The following SLC22A3 variants were observed in gnomAD, a reference collection of about 807,000 sequenced individuals.
SLC22A3 encodes the protein solute carrier family 22 member 3, also known as EMT organic cation transporter 3.
SLC22A3 carries 51 observed loss-of-function variants against 59.1 expected under a neutral mutation model. The observed-to-expected ratio is 0.86, with a 90% CI of 0.69 to 1.09. The LOEUF (loss-of-function observed/expected upper bound fraction) is 1.09. Among genes scored for constraint, SLC22A3 ranks in the 50% least tolerant of loss-of-function variants. SLC22A3 has a pLI of 0.00. For synonymous variants in SLC22A3, 325 were observed against 292.0 expected, an observed-to-expected ratio of 1.11 and a Z score of -1.15; for missense variants, 711 against 726.3, an observed-to-expected ratio of 0.98 and a Z score of 0.24.
At chr6:160,430,321 A>T (rs750994041) in intron 5 of SLC22A3, among the ~76,000 whole-genome samples, 3 of 152,216 alleles carry the variant, frequency 2.0e-5, no homozygotes, top group Non-Finnish European at 4.4e-5. Context: ...TGTTCTGAGT[A>T]GAATACCACA....
chr6:160,398,724 C>A (rs1786629350), intron 2 of SLC22A3, among the ~76,000 whole-genome samples: 1 of 152,106 alleles, frequency 6.6e-6, no homozygotes, highest in Non-Finnish European at 1.5e-5. Context: ...TCATGTTTAA[C>A]TCTATTTTTA....
chr6:160,413,221 G>T (rs1435145792), intron 5 of SLC22A3, among the ~76,000 whole-genome samples: 2 of 152,144 alleles, frequency 1.3e-5, no homozygotes, highest in African/African-American at 2.4e-5. Context: ...TGAGTGTACA[G>T]TTTAGCACTG....
chr6:160,373,167 G>A (rs1268735254), intron 1 of SLC22A3, among the ~76,000 whole-genome samples: 2 of 152,100 alleles, frequency 1.3e-5, no homozygotes, highest in African/African-American at 2.4e-5. Context: ...TTTGATACTG[G>A]TGACCTTCAG....
chr6:160,413,514 A>G (rs1023656249), intron 5 of SLC22A3, among the ~76,000 whole-genome samples: 1 of 152,342 alleles, frequency 6.6e-6, no homozygotes, highest in Admixed American at 6.5e-5. Context: ...CTATCCACTG[A>G]GTAGGAATCA....
intron 9 of SLC22A3, among the ~76,000 whole-genome samples, chr6:160,446,539 A>C (rs1410272803): frequency 6.6e-6 from 1 of 152,104 alleles, no homozygotes; most frequent in Non-Finnish European, 1.5e-5. Flanking sequence ...AATCCATCAG[A>C]TCTCATGGGA....
intron 1 of SLC22A3, among the ~76,000 whole-genome samples, chr6:160,355,791 CAACAACA>C (rs1489865283): frequency 1.4e-5 from 2 of 138,800 alleles, no homozygotes; most frequent in Admixed American, 7.0e-5. Flanking sequence ...ACAACAACAA[CAACAACA>C]AAAAACTTGT....
chr6:160,381,279 T>C (rs1785786856), intron 1 of SLC22A3, among the ~76,000 whole-genome samples: 1 of 152,226 alleles, frequency 6.6e-6, no homozygotes, highest in Non-Finnish European at 1.5e-5. Context: ...TATCTGTACA[T>C]TGATGTAACA....
chr6:160,441,277 A>T (rs962008497), intron 7 of SLC22A3, among the ~76,000 whole-genome samples: 3 of 152,094 alleles, frequency 2.0e-5, no homozygotes, highest in African/African-American at 7.2e-5. Context: ...ATGGAGTGGA[A>T]TGCATTACCT....
chr6:160,377,398 T>C (rs1415448737), intron 1 of SLC22A3, among the ~76,000 whole-genome samples: 2 of 151,814 alleles, frequency 1.3e-5, no homozygotes, highest in African/African-American at 4.8e-5. Context: ...GGCAGGAGAA[T>C]TGCTTGAACC....
At chr6:160,348,938 G>T in intron 1 of SLC22A3, 90 bp downstream of exon 1, 1 of 1,531,006 alleles carries the variant, frequency 6.5e-7, no homozygotes, top group South Asian at 1.2e-5. Context: ...CTGGCCGCCA[G>T]GGGAGGTCGG....
chr6:160,423,576 G>T (rs1282881315), intron 5 of SLC22A3, among the ~76,000 whole-genome samples: 1 of 152,138 alleles, frequency 6.6e-6, no homozygotes, highest in Non-Finnish European at 1.5e-5. Flanking sequence ...TTCTCTGATG[G>T]CCAGTGATGA....
At chr6:160,432,287 CAT>C (rs879906045) in intron 5 of SLC22A3, among the ~76,000 whole-genome samples, 2 of 152,082 alleles carry the variant, frequency 1.3e-5, no homozygotes, top group Non-Finnish European at 2.9e-5. Context: ...CTCCCACAAA[CAT>C]ATGAATTGAT....
intron 5 of SLC22A3, among the ~76,000 whole-genome samples, chr6:160,419,219 C>T (rs928715272): frequency 4.6e-5 from 7 of 152,000 alleles, no homozygotes; most frequent in African/African-American, 7.3e-5. Context: ...TAATAGCTAC[C>T]GTCTTTTCTA....
chr6:160,407,192 AT>A lies in SLC22A3; in HGVS notation c.687del (p.Ile229MetfsTer2). On this transcript the variant is annotated frameshift_variant and splice_region_variant, in exon 3 of 11. Transcript: ENST00000275300. LOFTEE classifies it high-confidence loss of function. The part of the protein sequence containing the change: ...GKGTWMTCYV[I>X]VTEIVGSKQR... Reference sequence around the variant, plus strand: ...GGGGACGTGGATGACTTGCTACGTGATTGGTAAGACATTCTTACACCATCTT... The same window carrying A: ...GGGGACGTGGATGACTTGCTACGTGATGGTAAGACATTCTTACACCATCTT... 6.2e-7 allele frequency: 1 copy of A among 1,606,928 alleles called. No individual in the cohort carries two copies. Among genetic ancestry groups the A allele is most frequent in the Non-Finnish European group, 8.5e-7 (1 of 1,176,962 alleles).
At chr6:160,446,318 C>T (rs1375608758) in intron 9 of SLC22A3, among the ~76,000 whole-genome samples, 1 of 152,164 alleles carries the variant, frequency 6.6e-6, no homozygotes, top group Non-Finnish European at 1.5e-5. Flanking sequence ...CTCCCACTCA[C>T]CAGGGCCAAC....
At chr6:160,412,393 G>T (rs966349037) in intron 5 of SLC22A3, among the ~76,000 whole-genome samples, 12 of 152,128 alleles carry the variant, frequency 7.9e-5, no homozygotes, top group African/African-American at 2.6e-4. Flanking sequence ...TGGTTCTATT[G>T]TCCCCTCCCC....
chr6:160,378,730 T>A (rs1459665128), intron 1 of SLC22A3, among the ~76,000 whole-genome samples: 1 of 152,198 alleles, frequency 6.6e-6, no homozygotes, highest in East Asian at 1.9e-4. Flanking sequence ...CAGCCTACTT[T>A]AAATTGCTCA....
chr6:160,348,758 A>C lies in SLC22A3; in HGVS notation c.339A>C (p.Pro113=). 6.5e-7 allele frequency: 1 copy of C among 1,541,446 alleles called. No individual in the cohort carries two copies. The highest frequency in any genetic ancestry group is 8.7e-7 in the Non-Finnish European group (1 of 1,149,942). ...CTAGCGCTCTCAGCTGCGCGGACCCACTCGCCGCCTTCCCCAACCGCTCGG... is the reference window on the plus strand; with the variant it reads ...CTAGCGCTCTCAGCTGCGCGGACCCCCTCGCCGCCTTCCCCAACCGCTCGG... ...SATSALSCAD[P]LAAFPNRSAP... is the part of the protein sequence containing the mutation. Residue 113 remains proline (P), a synonymous_variant, in exon 1 of 11, where the codon CCA becomes CCC. Coordinates refer to ENST00000275300, the MANE Select transcript of SLC22A3 (RefSeq NM_021977.4).
chr6:160,367,350 G>C (rs1271301014), intron 1 of SLC22A3, among the ~76,000 whole-genome samples: 1 of 152,120 alleles, frequency 6.6e-6, no homozygotes, highest in Non-Finnish European at 1.5e-5. Flanking sequence ...CTGCCCCCAT[G>C]ATTCAATTAC....
Sources: gnomAD v4.1 joint callset for allele counts (sites outside exome capture counted in the v4.1 genomes callset) on GRCh38, gnomAD v4.1.1 for gene constraint, MANE v1.5 for transcripts, NCBI Gene and HGNC (gene_info 2026-07-23, HGNC 2026-07-21) for gene names.